Variants in ETFA observed in about 807,000 individuals in gnomAD.
ETFA encodes the protein electron transfer flavoprotein subunit alpha.
ETFA carries 22 observed loss-of-function variants against 46.2 expected under a neutral mutation model. The observed-to-expected ratio is 0.48, with a 90% CI of 0.34 to 0.68. The LOEUF (loss-of-function observed/expected upper bound fraction) is 0.68, where lower values mean the gene tolerates loss of function less well. Ranked by LOEUF, ETFA falls within the 30% of genes least tolerant of loss-of-function variation. ETFA has a pLI of 0.01. For synonymous variants in ETFA, 131 were observed against 139.9 expected (o/e 0.94, Z 0.45); for missense variants, 345 against 401.1 (o/e 0.86, Z 1.19).
intron 11 of ETFA, among the ~76,000 whole-genome samples, chr15:76,222,690 T>TA (rs147485608): frequency 0.024 from 3,626 of 152,254 alleles, 142 homozygotes; most frequent in African/African-American, 0.083. Context: ...GTTGTGCCCA[T>TA]AACCTGTGGA....
chr15:76,252,200 ACT>A (rs747689583), intron 9 of ETFA, among the ~76,000 whole-genome samples: 4 of 152,108 alleles, frequency 2.6e-5, no homozygotes, highest in Non-Finnish European at 5.9e-5. Context: ...ACAGGGTCTC[ACT>A]CTGTCACCCA....
intron 4 of ETFA, among the ~76,000 whole-genome samples, chr15:76,291,001 A>G (rs2039755688): frequency 6.6e-6 from 1 of 152,228 alleles, no homozygotes; most frequent in African/African-American, 2.4e-5. Context: ...GGATGACTTG[A>G]GGCCAGGAGT....
chr15:76,258,243 T>C (rs991879258), intron 9 of ETFA, among the ~76,000 whole-genome samples: 1 of 152,064 alleles, frequency 6.6e-6, no homozygotes, highest in African/African-American at 2.4e-5. Context: ...GGAGAGGGGC[T>C]CCTGAACTCC....
intron 9 of ETFA, among the ~76,000 whole-genome samples, chr15:76,241,591 G>C (rs1310691861): frequency 6.6e-6 from 1 of 151,792 alleles, no homozygotes; most frequent in African/African-American, 2.4e-5. Context: ...ACGAGGTCAG[G>C]AGATCCAGAC....
At chr15:76,216,659 T>TC (rs2038899243) in intron 11 of ETFA, 62 bp from the exon 12 acceptor site, 9 of 1,060,602 alleles carry the variant, frequency 8.5e-6, no homozygotes, top group Non-Finnish European at 1.2e-5. Flanking sequence ...TGGTCACAGC[T>TC]CCGTAAGCAT....
chr15:76,293,551 C>G (rs766647309), intron 2 of ETFA, among the ~76,000 whole-genome samples: 1 of 152,162 alleles, frequency 6.6e-6, no homozygotes, highest in Non-Finnish European at 1.5e-5. Flanking sequence ...TTCAGATTTT[C>G]TATATTCAGA....
At chr15:76,283,254 C>A (rs983532157) in intron 8 of ETFA, among the ~76,000 whole-genome samples, 1 of 152,022 alleles carries the variant, frequency 6.6e-6, no homozygotes, top group Non-Finnish European at 1.5e-5. Context: ...TGCAGTGGCA[C>A]GACCACAGTG....
chr15:76,297,909 G>A (rs1241248949), intron 1 of ETFA, among the ~76,000 whole-genome samples: 4 of 151,916 alleles, frequency 2.6e-5, no homozygotes, highest in Non-Finnish European at 5.9e-5. Flanking sequence ...ACAGCCTCTA[G>A]GCATGGTTAT....
intron 9 of ETFA, among the ~76,000 whole-genome samples, chr15:76,273,492 T>C (rs938516785): frequency 2.6e-5 from 4 of 151,598 alleles, no homozygotes; most frequent in Admixed American, 1.3e-4. Context: ...GAGGTGGAGG[T>C]TGCAGTGAGC....
chr15:76,285,867 C>T (rs2039700574), intron 6 of ETFA, 129 bp from the exon 7 acceptor site: 3 of 690,586 alleles, frequency 4.3e-6, no homozygotes, highest in South Asian at 1.6e-5. Flanking sequence ...ATTTTCAGTG[C>T]TCCTAATTAA....
intron 8 of ETFA, 43 bp downstream of exon 8, chr15:76,283,714 C>T (rs1261357137): frequency 1.6e-6 from 2 of 1,240,624 alleles, no homozygotes; most frequent in African/African-American, 1.5e-5. Flanking sequence ...AAAATATTTC[C>T]AACAAAAAGG....
chr15:76,273,968 G>C (rs2039568005), intron 9 of ETFA, among the ~76,000 whole-genome samples: 5 of 152,054 alleles, frequency 3.3e-5, no homozygotes. Context: ...ACAGAAACTA[G>C]GTGTTCAGGA....
At chr15:76,252,876 T>TACACACACACACAC (rs34804508) in intron 9 of ETFA, among the ~76,000 whole-genome samples, 16,467 of 147,372 alleles carry the variant, frequency 0.11, 1,005 homozygotes, top group South Asian at 0.2. Context: ...TGTATGTGTA[T>TACACACACACACAC]ACACACACAC....
At chr15:76,269,008 C>G (rs1294017221) in intron 9 of ETFA, among the ~76,000 whole-genome samples, 1 of 152,208 alleles carries the variant, frequency 6.6e-6, no homozygotes, top group Non-Finnish European at 1.5e-5. Context: ...CTCCCTACAA[C>G]TGGTATTTTC....
Position 76,285,724 on chromosome 15 carries a change from G to C in ETFA, c.577C>G (p.Pro193Ala). ...TCAAGCCACTCTGATATTTCCACTG[G>C]TGAAGTACTTGATGCTGCATACATT... is the stretch of plus-strand genomic sequence containing the variant. ...ASSEKASSTS[P>A]VEISEWLDQK... is the part of the protein sequence containing the mutation. The change falls in exon 7 of 12, where the codon CCA becomes GCA. Residue 193 changes from proline to alanine, a missense_variant. Transcript: ENST00000557943. 1.2e-6 allele frequency: 2 copies of C among 1,600,598 alleles called. No individual in the cohort carries two copies. Among genetic ancestry groups the C allele is most frequent in the Non-Finnish European group, 1.7e-6 (2 of 1,167,860 alleles).
chr15:76,280,233 G>T (rs1222806517), intron 8 of ETFA, among the ~76,000 whole-genome samples: 1 of 152,044 alleles, frequency 6.6e-6, no homozygotes, highest in Non-Finnish European at 1.5e-5. Context: ...CTACTCAGAT[G>T]TCTGTTATTA....
intron 11 of ETFA, among the ~76,000 whole-genome samples, chr15:76,224,826 A>G (rs2456038): frequency 0.93 from 141,938 of 152,254 alleles, 66,930 homozygotes; most frequent in East Asian, 1. Flanking sequence ...CAGACCCAGG[A>G]AAAAGAAGAG....
chr15:76,251,088 C>A (rs2039293539), intron 9 of ETFA, among the ~76,000 whole-genome samples: 1 of 151,862 alleles, frequency 6.6e-6, no homozygotes, highest in African/African-American at 2.4e-5. Flanking sequence ...CTTAGCCTAG[C>A]AAGAGAGGTG....
chr15:76,241,324 G>A (rs570287070), intron 9 of ETFA, among the ~76,000 whole-genome samples: 1 of 152,018 alleles, frequency 6.6e-6, no homozygotes, highest in South Asian at 2.1e-4. Context: ...AACACAGCAA[G>A]ACCCCATCTC....
Sources: gnomAD v4.1 joint callset for allele counts (sites outside exome capture counted in the v4.1 genomes callset) on GRCh38, gnomAD v4.1.1 for gene constraint, MANE v1.5 for transcripts, NCBI Gene and HGNC (gene_info 2026-07-23, HGNC 2026-07-21) for gene names.